CNTN2: variants seen among roughly 807,000 people sequenced by gnomAD.
CNTN2 encodes the protein contactin 2.
CNTN2 carries 53 observed loss-of-function variants against 117.5 expected under a neutral mutation model. The ratio of observed to expected loss-of-function variants is 0.45; its 90% CI spans 0.36 to 0.57. The LOEUF (loss-of-function observed/expected upper bound fraction) is 0.57, where lower values mean the gene tolerates loss of function less well. Ranked by LOEUF, CNTN2 falls within the 20% of genes least tolerant of loss-of-function variation. CNTN2 has a pLI of 0.00. For synonymous variants in CNTN2, 530 were observed against 561.7 expected, an observed-to-expected ratio of 0.94 and a Z score of 0.80; for missense variants, 1,106 against 1,404.3, an observed-to-expected ratio of 0.79 and a Z score of 3.39.
At chr1:205,068,572 GTGATGCAAAGGAAACA>G (rs1381276248) in intron 16 of CNTN2, 1 of 152,224 alleles carries the variant, frequency 6.6e-6, no homozygotes. Flanking sequence ...AAAGACAGCT[GTGATGCAAAGGAAACA>G]TGATGGGCTT....
At chr1:205,067,438 G>A (rs1312919434) in intron 16 of CNTN2, 188 bp downstream of exon 16, 4 of 526,734 alleles carry the variant, frequency 7.6e-6, no homozygotes, top group Non-Finnish European at 6.3e-6. Context: ...AAACCATCTA[G>A]TCCAAACTCC....
chr1:205,073,300 G>C lies in CNTN2; in HGVS notation c.3013+64G>C. The stretch of plus-strand genomic sequence containing the variant: ...CAGGATCCACCCAGATACCTGAGAG[G>C]ATCATTCCCACCCAGGCCAACTCCA... On this transcript the variant is annotated intron_variant, in intron 22 of 22. Transcript: ENST00000331830. The surrounding 1 kb of genome is among the most constrained non-coding windows in gnomAD (Gnocchi z 6.3). The C allele has an allele frequency of 3.8e-6, 6 of 1,571,400 alleles. No individual in the cohort carries two copies. In the South Asian group the frequency reaches 7.0e-5, roughly 18 times the overall value.
At chr1:205,050,316 T>TGTGA (rs1491068439) in intron 1 of CNTN2, among the ~76,000 whole-genome samples, 2 of 141,450 alleles carry the variant, frequency 1.4e-5, no homozygotes, top group Non-Finnish European at 3.1e-5. Context: ...TGTGTGTGTG[T>TGTGA]GACAGAGAGA....
At chr1:205,046,890 G>T (rs1006054) in intron 1 of CNTN2, among the ~76,000 whole-genome samples, 4,465 of 152,206 alleles carry the variant, frequency 0.029, 91 homozygotes, top group Middle Eastern at 0.058. Context: ...CAGGAGGATG[G>T]AAGCCTCTCT....
chr1:205,045,013 G>T (rs566768135), intron 1 of CNTN2, among the ~76,000 whole-genome samples: 1 of 152,308 alleles, frequency 6.6e-6, no homozygotes, highest in African/African-American at 2.4e-5. Flanking sequence ...ATAAGAGGGA[G>T]GCAGGAGGTG....
chr1:205,053,825 A>G (rs1472237747), intron 2 of CNTN2, among the ~76,000 whole-genome samples: 1 of 152,238 alleles, frequency 6.6e-6, no homozygotes, highest in Non-Finnish European at 1.5e-5. Context: ...TCTTAAGGCA[A>G]CGCTGCATCC....
intron 14 of CNTN2, 116 bp downstream of exon 14, chr1:205,066,025 C>A: frequency 7.9e-7 from 1 of 1,260,458 alleles, no homozygotes; most frequent in Non-Finnish European, 1.1e-6. Context: ...GAAGGGCTTC[C>A]GGCGGAACTC....
rs1654532289 is a variant in CNTN2, at chr1:205,070,428, C to A, written c.2434C>A (p.Pro812Thr). 6.2e-7 allele frequency: 1 copy of A among 1,611,306 alleles called. No homozygotes were observed. The highest frequency in any genetic ancestry group is 8.5e-7 in the Non-Finnish European group (1 of 1,178,146). Residue 812 changes from proline (P) to threonine (T), a missense_variant and splice_region_variant, in exon 19 of 23, where the codon CCC becomes ACC. Physicochemically the swap from Pro to Thr is conservative, Grantham distance 38 (BLOSUM62 -1). Transcript: ENST00000331830. The part of the protein sequence containing the change: ...TALVYSAEEE[P>T]RVAPTKVWAK... ...ACCCATTCTGTATTGGTCCCCAGAG[C>A]CCAGGGTGGCCCCTACCAAGGTGTG...
In CNTN2 at chr1:205,065,370, C is replaced by A; in HGVS notation, c.1695+108C>A. ...CTTTAAGAAACCCATAGCCTAAGCG[C>A]CCCCATTCCCTCAGGCCCACACATG... On this transcript the variant is annotated intron_variant, in intron 13 of 22. Transcript: ENST00000331830. This position sits in a 1 kb window ranked among gnomAD's most constrained non-coding sequence, Gnocchi z 4.1. 7.7e-6 allele frequency: 9 copies of A among 1,175,772 alleles called. No homozygotes were observed. Among genetic ancestry groups the A allele is most frequent in the Non-Finnish European group, 1.1e-5 (9 of 827,164 alleles). 72.8% of individuals were successfully genotyped at this position (1,175,772 alleles called of 1,614,324 possible).
chr1:205,044,461 G>A (rs1000054487), intron 1 of CNTN2, among the ~76,000 whole-genome samples: 2 of 151,574 alleles, frequency 1.3e-5, no homozygotes, highest in South Asian at 2.1e-4. Flanking sequence ...TGTGTCCTGG[G>A]GGGGGGGGTC....
intron 1 of CNTN2, among the ~76,000 whole-genome samples, chr1:205,050,205 C>T (rs1051599341): frequency 2.0e-5 from 3 of 152,066 alleles, no homozygotes; most frequent in African/African-American, 7.2e-5. Context: ...TAACTCCCTG[C>T]ATTCGTATAG....
rs1236327220 is a variant in CNTN2, at chr1:205,048,078, T to G, written c.-87+4684T>G. Among the ~76,000 whole-genome samples, 1 of 152,172 alleles carries G rather than the reference T, an allele frequency of 6.6e-6. No homozygotes were observed. The highest frequency in any genetic ancestry group is 2.4e-5 in the African/African-American group (1 of 41,432). ...GCGGGGGCCTGAAGGGCTCCTCAAG[T>G]ACTTTGTAGGCTGATAATAAATCAC... On this transcript the variant is annotated intron_variant, in intron 1 of 22. Coordinates refer to ENST00000331830, the MANE Select transcript of CNTN2 (RefSeq NM_005076.5). This position sits in a 1 kb window ranked among gnomAD's most constrained non-coding sequence, Gnocchi z 4.1.
In CNTN2 at chr1:205,058,118, CCT is replaced by C; in HGVS notation, c.215+57_215+58del. 1 of 1,602,904 alleles carries C rather than the reference CCT, an allele frequency of 6.2e-7. No homozygotes were observed. Reference sequence around the variant, plus strand: ...GGCCCTGGGCAGCCGTTGAACTTTCCCTCTCATCAGCCCTGCCACCAGGCAGG... The same window carrying C: ...GGCCCTGGGCAGCCGTTGAACTTTCCCTCATCAGCCCTGCCACCAGGCAGG... On this transcript the variant is annotated intron_variant, in intron 3 of 22. Transcript: ENST00000331830. This position sits in a 1 kb window ranked among gnomAD's most constrained non-coding sequence, Gnocchi z 4.3.
chr1:205,071,927 G>T lies in CNTN2; in HGVS notation c.2545-20G>T, dbSNP rs749089664. 4.6e-5 allele frequency: 73 copies of T among 1,598,178 alleles called. No homozygotes were observed. The highest frequency in any genetic ancestry group is 6.1e-5 in the Non-Finnish European group (71 of 1,173,236). On this transcript the variant is annotated intron_variant, in intron 19 of 22. Transcript: ENST00000331830. ...TCCTGGGCTTGACTACTACCCCTTG[G>T]GTACCCCCGCCTCCTTCAGATCCGC...
intron 1 of CNTN2, among the ~76,000 whole-genome samples, chr1:205,044,997 C>T (rs1439658889): frequency 6.6e-6 from 1 of 152,168 alleles, no homozygotes; most frequent in East Asian, 1.9e-4. Context: ...TGGAAGTCCT[C>T]AGCGAATAAG....
At chr1:205,071,810 C>T in intron 19 of CNTN2, 137 bp from the exon 20 acceptor site, 1 of 739,106 alleles carries the variant, frequency 1.4e-6, no homozygotes, top group Non-Finnish European at 2.1e-6. Context: ...TGCTCATGAT[C>T]TAGTCTCCAG....
intron 2 of CNTN2, among the ~76,000 whole-genome samples, chr1:205,054,636 T>G (rs4951163): frequency 6.6e-6 from 1 of 152,160 alleles, no homozygotes; most frequent in African/African-American, 2.4e-5. Context: ...CAGAGACACA[T>G]GAAGCCAATG....
At chr1:205,071,902 TC>T (rs763471397) in intron 19 of CNTN2, 44 bp from the exon 20 acceptor site, 2 of 1,550,712 alleles carry the variant, frequency 1.3e-6, no homozygotes, top group Admixed American at 3.7e-5. Context: ...AGCCCTGAGA[TC>T]CTGGGCTTGA....
intron 2 of CNTN2, among the ~76,000 whole-genome samples, chr1:205,055,999 T>C (rs2151187800): frequency 6.6e-6 from 1 of 152,312 alleles, no homozygotes; most frequent in East Asian, 1.9e-4. Flanking sequence ...GTATGTATCT[T>C]GCCATTTGAG....
Sources: allele counts gnomAD v4.1 joint callset (sites outside exome capture counted in the v4.1 genomes callset), GRCh38; gene constraint gnomAD v4.1.1; non-coding constraint Gnocchi (gnomAD v3.1); transcripts MANE v1.5; gene names NCBI Gene and HGNC (gene_info 2026-07-23, HGNC 2026-07-21).